AHCTF1: variants seen among roughly 807,000 people sequenced by gnomAD.
The protein encoded by AHCTF1 is AT-hook containing transcription factor 1.
In AHCTF1, 24 loss-of-function variants were observed where a neutral mutation model predicts 248.4. That is an observed-to-expected ratio of 0.10 (90% CI 0.07 to 0.14). AHCTF1 has a LOEUF of 0.14. Among genes scored for constraint, AHCTF1 ranks in the 10% least tolerant of loss-of-function variants. The pLI is 1.00. For synonymous variants in AHCTF1, 786 were observed against 929.8 expected (o/e 0.85, Z 2.81); for missense variants, 2,206 against 2,636.2 (o/e 0.84, Z 3.57).
intron 25 of AHCTF1, 64 bp from the exon 26 acceptor site, chr1:246,867,415 T>C: frequency 8.9e-7 from 1 of 1,125,226 alleles, no homozygotes; most frequent in Middle Eastern, 2.0e-4. Flanking sequence ...GTGGATGAGA[T>C]GGGAGAACAG....
chr1:246,889,044 C>A (rs889099433), intron 17 of AHCTF1, among the ~76,000 whole-genome samples: 1 of 152,114 alleles, frequency 6.6e-6, no homozygotes, highest in African/African-American at 2.4e-5. Flanking sequence ...AGGTGAGGTC[C>A]CCATGTGGTC....
chr1:246,861,029 A>C lies in AHCTF1; in HGVS notation c.4002T>G (p.Val1334=). The C allele has an allele frequency of 6.2e-7, 1 of 1,613,954 alleles. No individual in the cohort carries two copies. The highest frequency in any genetic ancestry group is 1.1e-5 in the South Asian group (1 of 91,076). ...AGCTTTTGGGCTTAGAGGCCGTGAA[A>C]ACAGTCTCTTCAAGGTCTTCCGGTG... is the stretch of plus-strand genomic sequence containing the variant. ...APSPEDLEET[V]FTASKPKSSS... is the part of the protein sequence containing the mutation. The change falls in exon 29 of 36, where the codon GTT becomes GTG. Residue 1334 remains valine (V), a synonymous_variant. Transcript: ENST00000648844.
rs748220523 is a variant in AHCTF1 at position 246,887,332 on chromosome 1, A to C, written c.2351T>G (p.Met784Arg). 1.2e-6 allele frequency: 2 copies of C among 1,611,472 alleles called. No individual in the cohort carries two copies. The highest frequency in any genetic ancestry group is 1.3e-5 in the African/African-American group (1 of 74,934). Residue 784 changes from methionine to arginine, a missense_variant, in exon 20 of 36, where the codon ATG becomes AGG. Met to Arg is a moderately conservative substitution (Grantham distance 91, BLOSUM62 -1). Transcript: ENST00000648844. ...SITIYLLLDIMYSFPNKTDTP... is the reference protein window; with the variant it reads ...SITIYLLLDIRYSFPNKTDTP... ...GTCTGTTTTGTTGGGAAAGGAATAC[A>C]TAATATCAAGTAGCAAATAAATGGT... is the stretch of plus-strand genomic sequence containing the variant.
At chr1:246,922,732 C>T (rs1422407573) in intron 1 of AHCTF1, among the ~76,000 whole-genome samples, 3 of 151,276 alleles carry the variant, frequency 2.0e-5, no homozygotes, top group African/African-American at 4.8e-5. Context: ...CCTGTAATCC[C>T]AGCACTTTGG....
intron 5 of AHCTF1, among the ~76,000 whole-genome samples, chr1:246,906,509 G>A (rs1056095979): frequency 3.3e-5 from 5 of 152,240 alleles, no homozygotes; most frequent in Admixed American, 2.6e-4. Context: ...TTGAACTTGG[G>A]AAGTGGAGGT....
At chr1:246,926,796 C>A (rs1666946952) in intron 1 of AHCTF1, among the ~76,000 whole-genome samples, 1 of 152,058 alleles carries the variant, frequency 6.6e-6, no homozygotes, top group Non-Finnish European at 1.5e-5. Flanking sequence ...GCGGAGATTG[C>A]AGTCAGCCGA....
chr1:246,927,350 A>T (rs2103259075), intron 1 of AHCTF1, among the ~76,000 whole-genome samples: 1 of 152,134 alleles, frequency 6.6e-6, no homozygotes, highest in South Asian at 2.1e-4. Context: ...GCAGCCAGCC[A>T]CGGCTGCATA....
chr1:246,930,035 G>C (rs1188693539), intron 1 of AHCTF1, among the ~76,000 whole-genome samples: 1 of 145,218 alleles, frequency 6.9e-6, no homozygotes, highest in Admixed American at 6.8e-5. Flanking sequence ...CTGGGCAACA[G>C]AGCAAGACCC....
intron 35 of AHCTF1, 120 bp from the exon 36 acceptor site, chr1:246,841,118 T>C (rs929088253): frequency 1.2e-6 from 1 of 814,014 alleles, no homozygotes; most frequent in African/African-American, 1.8e-5. Context: ...TTATAAAAGA[T>C]GTAATGGTTT....
chr1:246,896,740 A>G (rs1664600873), intron 12 of AHCTF1, among the ~76,000 whole-genome samples: 1 of 152,230 alleles, frequency 6.6e-6, no homozygotes, highest in South Asian at 2.1e-4. Context: ...AATAAAGCTG[A>G]TATTTTGAAA....
intron 13 of AHCTF1, 49 bp from the exon 14 acceptor site, chr1:246,894,797 C>CA (rs1421645086): frequency 6.6e-7 from 1 of 1,509,762 alleles, no homozygotes; most frequent in Non-Finnish European, 9.2e-7. Flanking sequence ...TAATTACAAA[C>CA]AGAGTTCTAA....
chr1:246,871,658 T>G (rs995851227), intron 24 of AHCTF1, among the ~76,000 whole-genome samples: 3 of 152,154 alleles, frequency 2.0e-5, no homozygotes, highest in East Asian at 3.9e-4. Context: ...AAGGCCATCA[T>G]GTCTCCACAG....
At chr1:246,855,662 A>C (rs778202544) in intron 31 of AHCTF1, 68 bp downstream of exon 31, 36 of 1,244,726 alleles carry the variant, frequency 2.9e-5, no homozygotes, top group Non-Finnish European at 4.1e-5. Context: ...TTTTGTTCTA[A>C]GAACAGAAAA....
In AHCTF1 at chr1:246,867,248, A is replaced by G. The variant is rs752056968; in HGVS notation, c.3343T>C (p.Ser1115Pro). ...AATGATTTAATAAACTCTTACCTAG[A>G]AATTTTTTGTGATGCTTTTGAAATT... ...TPISKASQKI[S>P]RLLDLVVQPV... Residue 1115 changes from serine (S) to proline (P), a missense_variant, in exon 26 of 36, where the codon TCT becomes CCT. Physicochemically the swap from Ser to Pro is moderately conservative, Grantham distance 74. Coordinates refer to ENST00000648844, the MANE Select transcript of AHCTF1 (RefSeq NM_001323342.2). 2 of 1,581,184 alleles carry G rather than the reference A, an allele frequency of 1.3e-6. No individual in the cohort carries two copies. Among genetic ancestry groups the G allele is most frequent in the South Asian group, 2.3e-5 (2 of 86,628 alleles).
Position 246,851,285 on chromosome 1 carries a change from G to C in AHCTF1, c.4721C>G (p.Ala1574Gly), listed in dbSNP as rs764492933. The C allele has an allele frequency of 3.1e-6, 5 of 1,613,852 alleles. No individual in the cohort carries two copies. In the African/African-American group the frequency reaches 6.7e-5, roughly 22 times the overall value. ...FCDLADNKDTAECDIAEVDGE... is the reference protein window; with the variant it reads ...FCDLADNKDTGECDIAEVDGE... ...ATCTACTTCAGCAATGTCACATTCA[G>C]CAGTGTCTTTGTTATCAGCTAAGTC... The change falls in exon 33 of 36, where the codon GCT becomes GGT. Residue 1574 changes from alanine (A) to glycine (G), a missense_variant. Around this residue, in one of 6 missense-constraint regions of AHCTF1, gnomAD observed 955 missense variants for 1,055.6 expected, o/e 0.90. Transcript: ENST00000648844.
At chr1:246,849,359 C>A (rs932305085) in intron 33 of AHCTF1, among the ~76,000 whole-genome samples, 2 of 152,272 alleles carry the variant, frequency 1.3e-5, no homozygotes, top group East Asian at 3.9e-4. Flanking sequence ...ATAAAACTCA[C>A]AGAAGAGAAA....
chr1:246,905,923 G>C (rs1665355650), intron 5 of AHCTF1, among the ~76,000 whole-genome samples: 1 of 152,116 alleles, frequency 6.6e-6, no homozygotes, highest in Middle Eastern at 3.2e-3. Flanking sequence ...CGTGTAACTG[G>C]TCCTAAGAGT....
chr1:246,860,999 G>A lies in AHCTF1; in HGVS notation c.4032C>T (p.Ser1344=), dbSNP rs767928092. 1 of 1,613,932 alleles carries A rather than the reference G, an allele frequency of 6.2e-7. No individual in the cohort carries two copies. The change falls in exon 29 of 36, where the codon TCC becomes TCT. Residue 1344 remains serine (S), a synonymous_variant. Transcript: ENST00000648844. ...CAGTTACATTAGTAGTTAGTGCAGT[G>A]GAAGAGCTTTTGGGCTTAGAGGCCG... ...VFTASKPKSS[S]TALTTNVTEQ... is the part of the protein sequence containing the mutation.
chr1:246,858,297 AG>A (rs1408510658), intron 29 of AHCTF1, among the ~76,000 whole-genome samples: 14 of 152,182 alleles, frequency 9.2e-5, no homozygotes, highest in African/African-American at 3.4e-4. Flanking sequence ...CTAGCTCAAG[AG>A]CCCCCCTTAA....
Sources: gnomAD v4.1 joint callset for allele counts (sites outside exome capture counted in the v4.1 genomes callset) on GRCh38, gnomAD v4.1.1 for gene constraint, gnomAD v4.1.1 regional missense constraint, MANE v1.5 for transcripts, NCBI Gene and HGNC (gene_info 2026-07-23, HGNC 2026-07-21) for gene names.